Variants in SRGAP1 observed in about 807,000 individuals in gnomAD.
SRGAP1 encodes the protein SLIT-ROBO Rho GTPase activating protein 1.
Under a neutral mutation model 121.9 loss-of-function variants are expected in SRGAP1, and 43 were observed. The observed-to-expected ratio is 0.35, with a 90% CI of 0.28 to 0.46. SRGAP1 has a LOEUF of 0.46. Among genes scored for constraint, SRGAP1 ranks in the 20% least tolerant of loss-of-function variants. The probability of loss-of-function intolerance (pLI) is 1.00; values close to 1 mark genes in which losing one functional copy is unlikely to be tolerated. For synonymous variants in SRGAP1, 447 were observed against 485.4 expected, an observed-to-expected ratio of 0.92 and a Z score of 1.04; for missense variants, 1,102 against 1,350.9, an observed-to-expected ratio of 0.82 and a Z score of 2.89.
chr12:64,156,261 T>C lies in SRGAP1; in HGVS notation c.*13589T>C, dbSNP rs1433513856. 1 of 152,248 alleles carries C rather than the reference T, an allele frequency of 6.6e-6. No individual in the cohort carries two copies. Among genetic ancestry groups the C allele is most frequent in the African/African-American group, 2.4e-5 (1 of 41,470 alleles). 9.4% of individuals were successfully genotyped at this position (152,248 alleles called of 1,614,324 possible). On this transcript the variant is annotated 3_prime_UTR_variant, in exon 22 of 22. Transcript: ENST00000355086. ...GAATTTATTGAATCCTGATTATTTT[T>C]TCCTTAATGTTGATTTTGTAGACTC... is the stretch of plus-strand genomic sequence containing the variant.
At chr12:63,908,878 A>G (rs1416298515) in intron 1 of SRGAP1, among the ~76,000 whole-genome samples, 5 of 151,982 alleles carry the variant, frequency 3.3e-5, no homozygotes, top group Admixed American at 3.3e-4. Flanking sequence ...TTTTGACTGC[A>G]TATATATTTA....
intron 21 of SRGAP1, among the ~76,000 whole-genome samples, chr12:64,140,050 G>T (rs1461330645): frequency 6.7e-6 from 1 of 149,946 alleles, no homozygotes; most frequent in African/African-American, 2.5e-5. Context: ...TCAGACAGTT[G>T]TAGATATGTG....
At chr12:64,067,084 A>G (rs1008524985) in intron 8 of SRGAP1, among the ~76,000 whole-genome samples, 5 of 152,136 alleles carry the variant, frequency 3.3e-5, no homozygotes, top group South Asian at 4.1e-4. Context: ...CATGAATTGA[A>G]GAGCTGGGGC....
intron 1 of SRGAP1, among the ~76,000 whole-genome samples, chr12:63,894,336 A>AT (rs1475270136): frequency 2.6e-5 from 4 of 151,792 alleles, no homozygotes; most frequent in Admixed American, 6.6e-5. Flanking sequence ...GCTTCTCAAC[A>AT]TATCACTCTC....
At chr12:64,065,610 A>C (rs917824133) in intron 8 of SRGAP1, among the ~76,000 whole-genome samples, 1 of 152,184 alleles carries the variant, frequency 6.6e-6, no homozygotes, top group Non-Finnish European at 1.5e-5. Context: ...GGGCCTTGCT[A>C]TGTTGCCCAG....
In SRGAP1 at chr12:64,147,499, CTG is replaced by C; in HGVS notation, c.*4829_*4830del. ...TCTCACCTCCCTGTCGGTCCTCAGACTGTCTCGTTTTCCTTGTAGACGTGATT... is the reference window on the plus strand; with the variant it reads ...TCTCACCTCCCTGTCGGTCCTCAGACTCTCGTTTTCCTTGTAGACGTGATT... On this transcript the variant is annotated 3_prime_UTR_variant, in exon 22 of 22. Transcript: ENST00000355086. 1 of 398,780 alleles carries C rather than the reference CTG, an allele frequency of 2.5e-6. No homozygotes were observed. Among genetic ancestry groups the C allele is most frequent in the African/African-American group, 2.1e-5 (1 of 48,668 alleles). The allele number at this position is 398,780 out of a possible 1,614,324, so 24.7% of individuals were successfully genotyped here. A position where few individuals can be genotyped will look rare whatever the true frequency, so the allele number is the denominator to read the frequency against.
intron 5 of SRGAP1, among the ~76,000 whole-genome samples, chr12:64,043,237 C>T (rs912440681): frequency 3.3e-5 from 5 of 152,092 alleles, no homozygotes; most frequent in African/African-American, 4.8e-5. Context: ...GGCCTGAAGC[C>T]CAAATACATT....
At chr12:64,046,030 C>T (rs1466602364) in intron 6 of SRGAP1, among the ~76,000 whole-genome samples, 1 of 152,072 alleles carries the variant, frequency 6.6e-6, no homozygotes, top group Non-Finnish European at 1.5e-5. Context: ...CCAGGAAAAG[C>T]CTGATACCTG....
intron 1 of SRGAP1, among the ~76,000 whole-genome samples, chr12:63,899,565 G>A (rs1247170106): frequency 6.6e-6 from 1 of 152,188 alleles, no homozygotes; most frequent in Non-Finnish European, 1.5e-5. Flanking sequence ...GAAATTGGAA[G>A]TGAGATACAG....
chr12:64,126,256 G>C, intron 19 of SRGAP1, 99 bp downstream of exon 19: 1 of 1,331,236 alleles, frequency 7.5e-7, no homozygotes, highest in Non-Finnish European at 1.0e-6. Context: ...GAGCAGAAGG[G>C]ATTACAGAGA....
intron 10 of SRGAP1, among the ~76,000 whole-genome samples, chr12:64,083,603 A>G (rs1216678396): frequency 6.6e-6 from 1 of 152,230 alleles, no homozygotes; most frequent in Non-Finnish European, 1.5e-5. Context: ...TTCATCCCTC[A>G]GCAACACCAT....
chr12:63,962,102 C>G (rs1390903218), intron 1 of SRGAP1, among the ~76,000 whole-genome samples: 1 of 152,202 alleles, frequency 6.6e-6, no homozygotes, highest in Non-Finnish European at 1.5e-5. Context: ...GGTGCCCATA[C>G]TGGCTGAGAT....
At chr12:64,094,230 T>C (rs1228147643) in intron 12 of SRGAP1, among the ~76,000 whole-genome samples, 1 of 152,174 alleles carries the variant, frequency 6.6e-6, no homozygotes, top group Non-Finnish European at 1.5e-5. Context: ...TGTCATCCTA[T>C]ACATGTTTTA....
At chr12:64,026,892 T>A (rs927962875) in intron 4 of SRGAP1, among the ~76,000 whole-genome samples, 21 of 151,970 alleles carry the variant, frequency 1.4e-4, no homozygotes, top group African/African-American at 5.1e-4. Context: ...ATGTTCAAAT[T>A]AATCTCCTTA....
At chr12:64,000,502 A>G (rs997218047) in intron 3 of SRGAP1, among the ~76,000 whole-genome samples, 2 of 152,120 alleles carry the variant, frequency 1.3e-5, no homozygotes, top group South Asian at 2.1e-4. Context: ...ACTCCCAACT[A>G]CTTAGGAGCC....
At chr12:63,894,390 A>G (rs547374737) in intron 1 of SRGAP1, among the ~76,000 whole-genome samples, 1 of 151,940 alleles carries the variant, frequency 6.6e-6, no homozygotes, top group East Asian at 1.9e-4. Context: ...TCCCTGTCAC[A>G]GTTATTGCTC....
At chr12:63,885,066 T>G (rs1386547345) in intron 1 of SRGAP1, among the ~76,000 whole-genome samples, 1 of 152,140 alleles carries the variant, frequency 6.6e-6, no homozygotes. Context: ...TTATGGAGGC[T>G]GTTTAGGAAA....
chr12:64,120,715 C>A (rs1185729425), intron 18 of SRGAP1, among the ~76,000 whole-genome samples: 1 of 152,030 alleles, frequency 6.6e-6, no homozygotes, highest in Non-Finnish European at 1.5e-5. Context: ...ACTGGGCAAG[C>A]CCTGGACTTA....
At chr12:63,942,283 A>G (rs1395202071) in intron 1 of SRGAP1, among the ~76,000 whole-genome samples, 1 of 152,248 alleles carries the variant, frequency 6.6e-6, no homozygotes, top group Non-Finnish European at 1.5e-5. Flanking sequence ...CTTGAGAATA[A>G]CTATACACAG....
Sources: gnomAD v4.1 joint callset for allele counts (sites outside exome capture counted in the v4.1 genomes callset) on GRCh38, gnomAD v4.1.1 for gene constraint, MANE v1.5 for transcripts, NCBI Gene and HGNC (gene_info 2026-07-23, HGNC 2026-07-21) for gene names.